Variants in UNC5D observed in about 807,000 individuals in gnomAD.
UNC5D encodes the protein unc-5 netrin receptor D.
A neutral mutation model predicts 105.4 loss-of-function variants in UNC5D; 39 were observed. That is an observed-to-expected ratio of 0.37 (90% CI 0.29 to 0.48). The LOEUF is 0.48. Ranked by LOEUF, UNC5D falls within the 20% of genes least tolerant of loss-of-function variation. The probability of loss-of-function intolerance (pLI) is 0.98; values close to 1 mark genes in which losing one functional copy is unlikely to be tolerated. For missense variants in UNC5D, 991 were observed against 1,202.4 expected, an observed-to-expected ratio of 0.82 and a Z score of 2.60; for synonymous variants, 452 against 450.4, an observed-to-expected ratio of 1.00 and a Z score of -0.04.
intron 1 of UNC5D, among the ~76,000 whole-genome samples, chr8:35,352,524 G>A (rs991752270): frequency 6.6e-6 from 1 of 152,100 alleles, no homozygotes; most frequent in African/African-American, 2.4e-5. Context: ...TGATTCAAAT[G>A]TTGCTAAAAA....
chr8:35,392,014 A>G (rs568344251), intron 1 of UNC5D, among the ~76,000 whole-genome samples: 1 of 152,330 alleles, frequency 6.6e-6, no homozygotes, highest in African/African-American at 2.4e-5. Context: ...GTAACAAATT[A>G]CCACAAACTT....
intron 1 of UNC5D, among the ~76,000 whole-genome samples, chr8:35,249,355 C>T (rs1350214244): frequency 1.3e-5 from 2 of 149,188 alleles, no homozygotes; most frequent in Admixed American, 6.7e-5. Context: ...GTCAAGAGTT[C>T]GAGATCAGAG....
chr8:35,681,055 A>C (rs1825628406), intron 4 of UNC5D, among the ~76,000 whole-genome samples: 1 of 152,164 alleles, frequency 6.6e-6, no homozygotes, highest in Non-Finnish European at 1.5e-5. Context: ...GAGTGATGGG[A>C]ATTTAAAATA....
At chr8:35,527,386 C>T (rs1324266393) in intron 1 of UNC5D, among the ~76,000 whole-genome samples, 1 of 152,106 alleles carries the variant, frequency 6.6e-6, no homozygotes, top group Admixed American at 6.5e-5. Flanking sequence ...ACAAGAGAAA[C>T]TTATTGCTCA....
chr8:35,694,254 T>C (rs1296000615), intron 7 of UNC5D, among the ~76,000 whole-genome samples: 1 of 152,052 alleles, frequency 6.6e-6, no homozygotes, highest in Non-Finnish European at 1.5e-5. Flanking sequence ...TGAGCTTCAG[T>C]GAGGCTGGCC....
intron 1 of UNC5D, among the ~76,000 whole-genome samples, chr8:35,302,693 G>A (rs1228891022): frequency 1.3e-5 from 2 of 152,134 alleles, no homozygotes; most frequent in Non-Finnish European, 2.9e-5. Context: ...GTATTGCAAA[G>A]TATTAAAGAG....
chr8:35,720,360 TGA>T (rs1433447327), intron 8 of UNC5D, among the ~76,000 whole-genome samples: 1 of 152,190 alleles, frequency 6.6e-6, no homozygotes, highest in Non-Finnish European at 1.5e-5. Context: ...GCTCATTTGC[TGA>T]GCAGGTGTGT....
At chr8:35,599,801 C>A (rs1249643624) in intron 4 of UNC5D, among the ~76,000 whole-genome samples, 1 of 152,026 alleles carries the variant, frequency 6.6e-6, no homozygotes, top group Non-Finnish European at 1.5e-5. Flanking sequence ...AATATATTTT[C>A]TTTTTTTATT....
intron 1 of UNC5D, among the ~76,000 whole-genome samples, chr8:35,267,834 T>C (rs1804993348): frequency 6.6e-6 from 1 of 152,188 alleles, no homozygotes; most frequent in African/African-American, 2.4e-5. Flanking sequence ...TACGTATTTT[T>C]TTTTCAGAAA....
intron 15 of UNC5D, among the ~76,000 whole-genome samples, chr8:35,770,819 T>A (rs1202280555): frequency 2.6e-5 from 4 of 152,182 alleles, no homozygotes; most frequent in Admixed American, 2.6e-4. Flanking sequence ...GTGTTGGAAG[T>A]TGGGGGATAA....
chr8:35,298,883 T>G (rs1807707467), intron 1 of UNC5D, among the ~76,000 whole-genome samples: 1 of 152,214 alleles, frequency 6.6e-6, no homozygotes, highest in East Asian at 1.9e-4. Context: ...AGAAGAAACA[T>G]GTGAAACAGA....
At chr8:35,758,914 G>A (rs1183108407) in intron 13 of UNC5D, among the ~76,000 whole-genome samples, 2 of 152,308 alleles carry the variant, frequency 1.3e-5, no homozygotes, top group Middle Eastern at 3.4e-3. Flanking sequence ...GAGGGGGGCT[G>A]TTTTCAGTTA....
chr8:35,530,995 C>A (rs1363959579), intron 1 of UNC5D, among the ~76,000 whole-genome samples: 1 of 150,604 alleles, frequency 6.6e-6, no homozygotes, highest in Admixed American at 6.6e-5. Flanking sequence ...TTCAAAAAAC[C>A]AGCTCCTGGA....
chr8:35,347,261 C>G (rs1356398199), intron 1 of UNC5D, among the ~76,000 whole-genome samples: 1 of 152,020 alleles, frequency 6.6e-6, no homozygotes, highest in African/African-American at 2.4e-5. Context: ...AGCCAATAAT[C>G]TACCCAAGTG....
intron 1 of UNC5D, among the ~76,000 whole-genome samples, chr8:35,345,949 A>G (rs890273388): frequency 3.3e-5 from 5 of 152,040 alleles, no homozygotes; most frequent in African/African-American, 9.7e-5. Flanking sequence ...GTCTGTGGAT[A>G]GTCTATCCTG....
intron 4 of UNC5D, among the ~76,000 whole-genome samples, chr8:35,646,718 G>C (rs1056347009): frequency 1.3e-5 from 2 of 152,038 alleles, no homozygotes; most frequent in Non-Finnish European, 2.9e-5. Context: ...ATCCCTAAAT[G>C]ATGGGATCAC....
intron 1 of UNC5D, among the ~76,000 whole-genome samples, chr8:35,328,774 A>G (rs1199734013): frequency 2.6e-5 from 4 of 152,170 alleles, no homozygotes; most frequent in East Asian, 3.9e-4. Flanking sequence ...CAGGAGCTGC[A>G]TTTACTCTTG....
At chr8:35,255,353 G>A (rs2128815859) in intron 1 of UNC5D, 1 of 152,160 alleles carries the variant, frequency 6.6e-6, no homozygotes, top group East Asian at 1.9e-4. Context: ...GTGACTCAAG[G>A]CCACCAGTAG....
chr8:35,317,910 C>T (rs556614087), intron 1 of UNC5D, among the ~76,000 whole-genome samples: 27 of 152,132 alleles, frequency 1.8e-4, no homozygotes, highest in African/African-American at 4.3e-4. Flanking sequence ...GTCTTTTGGT[C>T]GGTATGAGGA....
Sources: allele counts gnomAD v4.1 joint callset (sites outside exome capture counted in the v4.1 genomes callset), GRCh38; gene constraint gnomAD v4.1.1; transcripts MANE v1.5; gene names NCBI Gene and HGNC (gene_info 2026-07-23, HGNC 2026-07-21).